Variants in DAOA observed in about 807,000 individuals in gnomAD.
The protein encoded by DAOA is D-amino acid oxidase activator.
DAOA carries 15 observed loss-of-function variants against 16.4 expected under a neutral mutation model. The observed-to-expected ratio is 0.91, with a 90% CI of 0.61 to 1.41. DAOA has a LOEUF of 1.41. Among genes scored for constraint, DAOA ranks in the 40% most tolerant of loss-of-function variants. The probability of loss-of-function intolerance (pLI) is 0.00; values close to 1 mark genes in which losing one functional copy is unlikely to be tolerated. For synonymous variants in DAOA, 75 were observed against 59.1 expected (o/e 1.27, Z -1.23); for missense variants, 230 against 176.8 (o/e 1.30, Z -1.71).
rs72549478 is a variant in DAOA at position 105,472,644 on chromosome 13, A to G, written c.240A>G (p.Ser80=). 3.2e-4 allele frequency: 510 copies of G among 1,614,082 alleles called. 2 individuals carry two copies. In the Middle Eastern group the frequency reaches 4.6e-3, roughly 15 times the overall value. Residue 80 remains serine, a synonymous_variant, in exon 4 of 6, where the codon TCA becomes TCG. Transcript: ENST00000375936. ...TGGCACAGAGGCATTTACAGAGATC[A>G]TTATGTCCTTGGGTCTCTTACCTTC... ...LEMAQRHLQR[S]LCPWVSYLPQ...
At chr13:105,473,692 C>T (rs890342619) in intron 4 of DAOA, among the ~76,000 whole-genome samples, 5 of 152,040 alleles carry the variant, frequency 3.3e-5, no homozygotes, top group African/African-American at 1.2e-4. Context: ...AGTAATTCCA[C>T]AGTGATTTTT....
At chr13:105,486,871 C>G (rs1253754798) in intron 4 of DAOA, among the ~76,000 whole-genome samples, 2 of 152,122 alleles carry the variant, frequency 1.3e-5, no homozygotes, top group Non-Finnish European at 2.9e-5. Flanking sequence ...CTGCCCACTT[C>G]GGCATCCCAT....
intron 4 of DAOA, among the ~76,000 whole-genome samples, chr13:105,473,281 T>A (rs1451717154): frequency 6.6e-6 from 1 of 152,076 alleles, no homozygotes; most frequent in African/African-American, 2.4e-5. Context: ...AGCTACAATA[T>A]CTGATGCTAT....
chr13:105,468,606 A>C (rs932426342), intron 3 of DAOA, among the ~76,000 whole-genome samples: 4 of 152,254 alleles, frequency 2.6e-5, no homozygotes, highest in Non-Finnish European at 5.9e-5. Context: ...GACAGATATG[A>C]AATGAATTTA....
At chr13:105,474,263 GC>G (rs1388207519) in intron 4 of DAOA, among the ~76,000 whole-genome samples, 1 of 151,948 alleles carries the variant, frequency 6.6e-6, no homozygotes, top group African/African-American at 2.4e-5. Context: ...ATAATTGCAG[GC>G]ATCACATAGG....
At chr13:105,473,675 A>G (rs1877147507) in intron 4 of DAOA, among the ~76,000 whole-genome samples, 1 of 152,128 alleles carries the variant, frequency 6.6e-6, no homozygotes, top group Non-Finnish European at 1.5e-5. Context: ...CAACAGGACT[A>G]TTGCAGAGTA....
rs1878417557 is a variant in DAOA, at chr13:105,490,149, G to C, written c.*68G>C. 2 of 1,475,902 alleles carry C rather than the reference G, an allele frequency of 1.4e-6. No homozygotes were observed. The highest frequency in any genetic ancestry group is 1.8e-6 in the Non-Finnish European group (2 of 1,108,436). 91.4% of individuals were successfully genotyped at this position (1,475,902 alleles called of 1,614,324 possible). On this transcript the variant is annotated 3_prime_UTR_variant, in exon 5 of 6. Coordinates refer to ENST00000375936, the MANE Select transcript of DAOA (RefSeq NM_172370.5). ...TGTAGTCTGGCCAACATCTTCACTGGACTCTGACGGACTCTGTGTCTGGGA... is the reference window on the plus strand; with the variant it reads ...TGTAGTCTGGCCAACATCTTCACTGCACTCTGACGGACTCTGTGTCTGGGA...
intron 4 of DAOA, 126 bp downstream of exon 4, chr13:105,472,811 G>C: frequency 2.7e-6 from 2 of 751,952 alleles, no homozygotes; most frequent in Non-Finnish European, 3.9e-6. Flanking sequence ...CTTTTATCTA[G>C]CTCAGAGATT....
intron 3 of DAOA, among the ~76,000 whole-genome samples, chr13:105,467,876 A>C (rs374205295): frequency 1.1e-4 from 16 of 152,038 alleles, no homozygotes; most frequent in African/African-American, 3.4e-4. Flanking sequence ...GCACAAATTT[A>C]GTGGTGAAAA....
chr13:105,482,506 GT>G (rs11287379), intron 4 of DAOA, among the ~76,000 whole-genome samples: 7,912 of 134,056 alleles, frequency 0.059, 596 homozygotes, highest in African/African-American at 0.19. Flanking sequence ...CTTGGTGTAA[GT>G]TTTTTTTTTT....
chr13:105,482,268 C>T (rs982742765), intron 4 of DAOA, among the ~76,000 whole-genome samples: 1 of 152,148 alleles, frequency 6.6e-6, no homozygotes, highest in African/African-American at 2.4e-5. Context: ...AGTCAACCTA[C>T]TTTCTTTTGT....
intron 4 of DAOA, among the ~76,000 whole-genome samples, chr13:105,482,061 T>C (rs72655083): frequency 0.29 from 44,352 of 151,912 alleles, 7,738 homozygotes; most frequent in East Asian, 0.57. Context: ...AAAATTCCCC[T>C]TTATAAAACC....
At chr13:105,466,701 CTG>C (rs1390485583) in intron 2 of DAOA, among the ~76,000 whole-genome samples, 1 of 152,116 alleles carries the variant, frequency 6.6e-6, no homozygotes, top group Non-Finnish European at 1.5e-5. Context: ...TTGTTTAGCA[CTG>C]TGTAGAACTG....
At chr13:105,488,778 C>T (rs1878310609) in intron 4 of DAOA, among the ~76,000 whole-genome samples, 1 of 152,176 alleles carries the variant, frequency 6.6e-6, no homozygotes, top group Admixed American at 6.5e-5. Flanking sequence ...ACCTTAGAAT[C>T]CTATGAAGAA....
At chr13:105,477,520 G>A (rs1294684139) in intron 4 of DAOA, among the ~76,000 whole-genome samples, 1 of 152,186 alleles carries the variant, frequency 6.6e-6, no homozygotes, top group African/African-American at 2.4e-5. Flanking sequence ...TTGAGCCCAG[G>A]AGTTCAAGAC....
intron 4 of DAOA, among the ~76,000 whole-genome samples, chr13:105,488,619 C>A (rs1012501462): frequency 2.0e-5 from 3 of 152,162 alleles, no homozygotes; most frequent in Non-Finnish European, 4.4e-5. Flanking sequence ...TTTTCCAGAA[C>A]AAATTCGCTT....
chr13:105,477,757 A>G (rs944361591), intron 4 of DAOA, among the ~76,000 whole-genome samples: 1 of 152,186 alleles, frequency 6.6e-6, no homozygotes, highest in African/African-American at 2.4e-5. Context: ...CATATGACAG[A>G]AAAACATGAT....
chr13:105,469,176 C>T (rs1258815981), intron 3 of DAOA, among the ~76,000 whole-genome samples: 1 of 152,112 alleles, frequency 6.6e-6, no homozygotes, highest in Non-Finnish European at 1.5e-5. Flanking sequence ...AATATTCATA[C>T]TAGGCAGAAC....
At chr13:105,474,861 C>T (rs1310229659) in intron 4 of DAOA, 2 of 276,926 alleles carry the variant, frequency 7.2e-6, no homozygotes, top group African/African-American at 4.6e-5. Context: ...TGTCATTCCT[C>T]TTCTGGAAAT....
Sources: allele counts gnomAD v4.1 joint callset (sites outside exome capture counted in the v4.1 genomes callset), GRCh38; gene constraint gnomAD v4.1.1; transcripts MANE v1.5; gene names NCBI Gene and HGNC (gene_info 2026-07-23, HGNC 2026-07-21).